The following HRH1 variants were observed in gnomAD, a reference collection of about 807,000 sequenced individuals.
HRH1 encodes the protein histamine receptor H1.
In HRH1, 6 loss-of-function variants were observed where a neutral mutation model predicts 10.3. The observed-to-expected ratio is 0.58, with a 90% CI of 0.32 to 1.15. HRH1 has a LOEUF of 1.15. Ranked by LOEUF, HRH1 falls within the 50% of genes most tolerant of loss-of-function variation. HRH1 has a pLI of 0.05. For synonymous variants in HRH1, 242 were observed against 236.7 expected, an observed-to-expected ratio of 1.02 and a Z score of -0.21; for missense variants, 514 against 615.3, an observed-to-expected ratio of 0.84 and a Z score of 1.74.
intron 1 of HRH1, among the ~76,000 whole-genome samples, chr3:11,143,100 G>A (rs1345683546): frequency 2.6e-5 from 4 of 152,140 alleles, no homozygotes; most frequent in Non-Finnish European, 4.4e-5. Context: ...TGAGGACAGA[G>A]GGGACGCAGG....
At chr3:11,162,870 G>GT (rs936335103) in intron 1 of HRH1, among the ~76,000 whole-genome samples, 4 of 152,228 alleles carry the variant, frequency 2.6e-5, no homozygotes, top group African/African-American at 9.6e-5. Context: ...GTTTTGTTTT[G>GT]TTTTTTGTAA....
At chr3:11,145,407 G>A (rs1445684529) in intron 1 of HRH1, among the ~76,000 whole-genome samples, 1 of 152,124 alleles carries the variant, frequency 6.6e-6, no homozygotes, top group African/African-American at 2.4e-5. Flanking sequence ...ATGTTTAGCT[G>A]TCACCTCCCA....
chr3:11,216,095 A>G lies in HRH1; in HGVS notation c.-35-42908A>G, dbSNP rs79099870. Among the ~76,000 whole-genome samples the G allele has an allele frequency of 6.1e-3, 931 of 152,278 alleles. 4 individuals are homozygous for G. Among genetic ancestry groups the G allele is most frequent in the Non-Finnish European group, 8.3e-3 (563 of 68,020 alleles). ...AGGGAACATTACCTTTTGGATCCCA[A>G]TATGGTTAGTCGAGGGCCCTGAACA... On this transcript the variant is annotated intron_variant, in intron 1 of 1. Transcript: ENST00000431010.
At chr3:11,255,201 C>T (rs528196729) in intron 1 of HRH1, among the ~76,000 whole-genome samples, 60 of 152,232 alleles carry the variant, frequency 3.9e-4, no homozygotes, top group African/African-American at 1.4e-3. Flanking sequence ...GCTGAGATCA[C>T]GCCATTGCAC....
intron 1 of HRH1, among the ~76,000 whole-genome samples, chr3:11,164,337 T>A (rs1936989123): frequency 6.6e-6 from 1 of 152,034 alleles, no homozygotes; most frequent in South Asian, 2.1e-4. Flanking sequence ...GGGGTGGGCG[T>A]GAAGAACGAA....
upstream of HRH1, among the ~76,000 whole-genome samples, chr3:11,153,411 C>T (rs866451286): frequency 6.6e-6 from 1 of 152,088 alleles, no homozygotes; most frequent in African/African-American, 2.4e-5. Flanking sequence ...TGAAGCTGAG[C>T]CTCAGACCCA....
chr3:11,184,687 G>A (rs1219177173), intron 1 of HRH1, among the ~76,000 whole-genome samples: 1 of 152,024 alleles, frequency 6.6e-6, no homozygotes, highest in Non-Finnish European at 1.5e-5. Context: ...AGGCCGAGGC[G>A]GGCGGATCAC....
chr3:11,171,278 G>A (rs1302732200), intron 1 of HRH1, among the ~76,000 whole-genome samples: 4 of 152,108 alleles, frequency 2.6e-5, no homozygotes, highest in East Asian at 1.9e-4. Flanking sequence ...CACCACACCC[G>A]GCTAATGTTG....
chr3:11,210,031 A>C (rs1057197372), intron 1 of HRH1, among the ~76,000 whole-genome samples: 1 of 152,136 alleles, frequency 6.6e-6, no homozygotes, highest in African/African-American at 2.4e-5. Flanking sequence ...TAAATGACTT[A>C]AGTTTGAATT....
chr3:11,251,347 C>A (rs550520025), intron 1 of HRH1, among the ~76,000 whole-genome samples: 1 of 152,128 alleles, frequency 6.6e-6, no homozygotes, highest in South Asian at 2.1e-4. Flanking sequence ...GTTAATAAGG[C>A]CTCGCTCTGC....
At chr3:11,251,037 T>A (rs1483877744) in intron 1 of HRH1, among the ~76,000 whole-genome samples, 1 of 152,224 alleles carries the variant, frequency 6.6e-6, no homozygotes. Flanking sequence ...TGTCTGGTTG[T>A]ACCCATCTTC....
At chr3:11,234,354 C>T (rs1939118086) in intron 1 of HRH1, 1 of 1,597,296 alleles carries the variant, frequency 6.3e-7, no homozygotes, top group South Asian at 1.1e-5. Context: ...TCCTCATCCT[C>T]ATCCTCTTGG....
At position 11,259,533 on chromosome 3, in the gene HRH1, A is replaced by G; in HGVS notation, c.496A>G (p.Asn166Asp). 4 of 1,613,942 alleles carry G rather than the reference A, an allele frequency of 2.5e-6. No homozygotes were observed. The highest frequency in any genetic ancestry group is 3.4e-6 in the Non-Finnish European group (4 of 1,179,998). ...FLWVIPILGW[N>D]HFMQQTSVRR... ...GTGGGTTATTCCCATTCTAGGCTGGAATCACTTCATGCAGCAGACCTCGGT... is the reference window on the plus strand; with the variant it reads ...GTGGGTTATTCCCATTCTAGGCTGGGATCACTTCATGCAGCAGACCTCGGT... The change falls in exon 2 of 2, where the codon AAT (asparagine) becomes GAT (aspartate). Residue 166 changes from asparagine (N) to aspartate (D), a missense_variant. By Grantham distance (23) the Asn-to-Asp change is conservative. Coordinates refer to ENST00000431010, the MANE Select transcript of HRH1 (RefSeq NM_001098212.2). This position sits in a 1 kb window ranked among gnomAD's most constrained non-coding sequence, Gnocchi z 4.6.
In HRH1 at chr3:11,254,032, G is replaced by A. The variant is rs1419186061; in HGVS notation, c.-35-4971G>A. ...CATTTGCTGCTTTTTCTTGTGTTTG[G>A]TCCTTCCATTATCCTTCCAATATTC... On this transcript the variant is annotated intron_variant, in intron 1 of 1. Coordinates refer to ENST00000431010, the MANE Select transcript of HRH1 (RefSeq NM_001098212.2). 2.0e-5 allele frequency among the ~76,000 whole-genome samples: 3 copies of A among 152,070 alleles called. No homozygotes were observed. In the East Asian group the frequency reaches 5.8e-4, roughly 29 times the overall value.
rs1335128422 is a variant in HRH1, at chr3:11,154,861, C to A, written c.-36+307C>A. ...CGCCCTGAGCGTCCGTCTTTGAGCT[C>A]GGGCGAGCAGAGGGGGAGCCTCGTT... On this transcript the variant is annotated intron_variant, in intron 1 of 1. Transcript: ENST00000431010. The surrounding 1 kb of genome is among the most constrained non-coding windows in gnomAD (Gnocchi z 4.4). Among the ~76,000 whole-genome samples, 2 of 152,162 alleles carry A rather than the reference C, an allele frequency of 1.3e-5. No homozygotes were observed. Among genetic ancestry groups the A allele is most frequent in the Non-Finnish European group, 2.9e-5 (2 of 68,018 alleles).
At chr3:11,171,748 C>T (rs543133301) in intron 1 of HRH1, among the ~76,000 whole-genome samples, 4 of 152,248 alleles carry the variant, frequency 2.6e-5, no homozygotes, top group Non-Finnish European at 2.9e-5. Flanking sequence ...ACTCCCCCAA[C>T]TCTGGGACCG....
At chr3:11,183,228 G>C (rs939472240) in intron 1 of HRH1, among the ~76,000 whole-genome samples, 41 of 152,148 alleles carry the variant, frequency 2.7e-4, no homozygotes. Context: ...CTGAGTTTGG[G>C]GGACAAGGAT....
intron 1 of HRH1, among the ~76,000 whole-genome samples, chr3:11,200,699 G>A (rs1045207800): frequency 2.0e-5 from 3 of 152,148 alleles, no homozygotes; most frequent in African/African-American, 4.8e-5. Context: ...GGAAGGGTGA[G>A]GAAATTAATA....
chr3:11,262,850 G>A lies in HRH1; in HGVS notation c.*2349G>A, dbSNP rs924759866. On this transcript the variant is annotated 3_prime_UTR_variant, in exon 2 of 2. Coordinates refer to ENST00000431010, the MANE Select transcript of HRH1 (RefSeq NM_001098212.2). ...CATTATTGTATACAGTGTCTCTAGT[G>A]CTTGTATAGTGTCTGGTATACAGAG... 6.0e-6 allele frequency: 1 copy of A among 167,100 alleles called. No homozygotes were observed. The highest frequency in any genetic ancestry group is 2.1e-4 in the South Asian group (1 of 4,834). 10.4% of individuals were successfully genotyped at this position (167,100 alleles called of 1,614,324 possible). A position where few individuals can be genotyped will look rare whatever the true frequency, so the allele number is the denominator to read the frequency against.
Sources: gnomAD v4.1 joint callset for allele counts (sites outside exome capture counted in the v4.1 genomes callset) on GRCh38, gnomAD v4.1.1 for gene constraint, Gnocchi (gnomAD v3.1) non-coding constraint, MANE v1.5 for transcripts, NCBI Gene and HGNC (gene_info 2026-07-23, HGNC 2026-07-21) for gene names.